The following TBCE variants were observed in gnomAD, a reference collection of about 807,000 sequenced individuals.
TBCE encodes the protein tubulin folding cofactor E.
Under a neutral mutation model 77.0 loss-of-function variants are expected in TBCE, and 53 were observed. The observed-to-expected ratio is 0.69, with a 90% CI of 0.55 to 0.87. The LOEUF (loss-of-function observed/expected upper bound fraction) is 0.87. TBCE is among the 40% of genes least tolerant of loss of function. The pLI is 0.00. For missense variants in TBCE, 624 were observed against 622.4 expected, an observed-to-expected ratio of 1.00 and a Z score of -0.03; for synonymous variants, 235 against 241.3, an observed-to-expected ratio of 0.97 and a Z score of 0.24.
At chr1:235,438,711 A>G (rs956997110) in intron 12 of TBCE, 58 bp from the exon 13 acceptor site, 1 of 1,611,014 alleles carries the variant, frequency 6.2e-7, no homozygotes, top group Non-Finnish European at 8.5e-7. Flanking sequence ...GCAAAACGCA[A>G]AGGACATGTT....
chr1:235,425,501 T>G (rs1180866313), intron 5 of TBCE, among the ~76,000 whole-genome samples: 3 of 152,170 alleles, frequency 2.0e-5, no homozygotes, highest in Non-Finnish European at 4.4e-5. Flanking sequence ...GTTGTTTTGT[T>G]TTTTGACATA....
intron 2 of TBCE, among the ~76,000 whole-genome samples, chr1:235,395,979 T>G (rs1379320437): frequency 6.6e-6 from 1 of 152,186 alleles, no homozygotes; most frequent in Non-Finnish European, 1.5e-5. Flanking sequence ...GTTCCACCCA[T>G]GTTGTTGCAA....
chr1:235,384,052 T>A (rs1677842897), intron 2 of TBCE, among the ~76,000 whole-genome samples: 1 of 151,282 alleles, frequency 6.6e-6, no homozygotes, highest in African/African-American at 2.4e-5. Flanking sequence ...TCAAAGGCCT[T>A]TTCTGCATCT....
At chr1:235,385,412 TG>T (rs1192898001) in intron 2 of TBCE, among the ~76,000 whole-genome samples, 92 of 152,148 alleles carry the variant, frequency 6.0e-4, no homozygotes, top group African/African-American at 2.0e-3. Context: ...ATGTTGACAG[TG>T]GGGTGTTAAA....
chr1:235,439,950 C>T (rs1416252585), intron 13 of TBCE, among the ~76,000 whole-genome samples: 1 of 151,782 alleles, frequency 6.6e-6, no homozygotes, highest in Non-Finnish European at 1.5e-5. Flanking sequence ...TACAGGCGCA[C>T]ACCACCATGC....
chr1:235,369,977 C>G (rs1676809862), intron 1 of TBCE, among the ~76,000 whole-genome samples: 1 of 152,194 alleles, frequency 6.6e-6, no homozygotes, highest in African/African-American at 2.4e-5. Flanking sequence ...ATCCTAGCCT[C>G]AGGATATTTG....
At chr1:235,444,844 T>C (rs146367553) in intron 15 of TBCE, among the ~76,000 whole-genome samples, 1 of 152,282 alleles carries the variant, frequency 6.6e-6, no homozygotes, top group Non-Finnish European at 1.5e-5. Context: ...TAGACCTGTT[T>C]CGTTAAGCTT....
At chr1:235,416,850 G>T (rs911810153) in intron 4 of TBCE, among the ~76,000 whole-genome samples, 1 of 152,188 alleles carries the variant, frequency 6.6e-6, no homozygotes, top group African/African-American at 2.4e-5. Flanking sequence ...AATGCAGCCA[G>T]TGTTGGAGTT....
chr1:235,432,174 G>A lies in TBCE; in HGVS notation c.660+1370G>A, dbSNP rs1681144865. Among the ~76,000 whole-genome samples the A allele has an allele frequency of 3.9e-5, 6 of 152,078 alleles. No homozygotes were observed. In the South Asian group the frequency reaches 1.2e-3, roughly 32 times the overall value. On this transcript the variant is annotated intron_variant, in intron 7 of 16. Coordinates refer to ENST00000642610, the MANE Select transcript of TBCE (RefSeq NM_003193.5). ...TATTTTTGTATTTTTAGTAGGGACA[G>A]GGTTTCACCATGTTGGCCAGGATGG...
chr1:235,430,570 T>C, intron 6 of TBCE, 135 bp from the exon 7 acceptor site: 1 of 650,660 alleles, frequency 1.5e-6, no homozygotes, highest in Non-Finnish European at 2.7e-6. Flanking sequence ...AAGTGATTTT[T>C]AAAATATAAT....
In TBCE at chr1:235,420,079, T is replaced by C. The variant is rs117306198; in HGVS notation, c.460+518T>C. Among the ~76,000 whole-genome samples the C allele has an allele frequency of 1.6e-3, 232 of 147,872 alleles. 3 individuals carry two copies. In the East Asian group the frequency reaches 0.044, roughly 28 times the overall value. ...AGCCTGGAGACAGAACAAGACTTCA[T>C]CTCAAAAAAAAAGAAAGGGGGCACA... is the stretch of plus-strand genomic sequence containing the variant. On this transcript the variant is annotated intron_variant, in intron 5 of 16. Transcript: ENST00000642610.
chr1:235,439,335 C>A (rs1362288453), intron 13 of TBCE, among the ~76,000 whole-genome samples: 14 of 140,920 alleles, frequency 9.9e-5, no homozygotes, highest in Admixed American at 1.4e-4. Flanking sequence ...ACTAAAAATA[C>A]AAAAAAAAAA....
intron 12 of TBCE, among the ~76,000 whole-genome samples, 167 bp from the exon 13 acceptor site, chr1:235,438,602 C>A (rs564948407): frequency 6.6e-6 from 1 of 150,904 alleles, no homozygotes; most frequent in African/African-American, 2.4e-5. Context: ...TTCTAATAAA[C>A]CCCTGAGTTC....
chr1:235,415,399 G>A (rs1473663597), intron 4 of TBCE: 3 of 152,320 alleles, frequency 2.0e-5, no homozygotes, highest in East Asian at 3.9e-4. Context: ...TTGAATCAAA[G>A]AGAGAGAAAG....
At chr1:235,376,480 G>T (rs183182983) in intron 1 of TBCE, among the ~76,000 whole-genome samples, 357 of 152,248 alleles carry the variant, frequency 2.3e-3, no homozygotes, top group Non-Finnish European at 3.1e-3. Flanking sequence ...CTAGTTCATG[G>T]AGCCAAGATT....
intron 2 of TBCE, among the ~76,000 whole-genome samples, chr1:235,393,545 G>GTATT (rs1678536781): frequency 6.6e-6 from 1 of 151,652 alleles, no homozygotes; most frequent in Non-Finnish European, 1.5e-5. Context: ...AAAAAAAATA[G>GTATT]TATTTATTGA....
At chr1:235,374,928 T>C (rs1195035863) in intron 1 of TBCE, among the ~76,000 whole-genome samples, 2 of 131,590 alleles carry the variant, frequency 1.5e-5, no homozygotes, top group Non-Finnish European at 3.3e-5. Context: ...TTCTTTTTTT[T>C]TTTTTTTTTT....
chr1:235,377,615 G>A (rs1013020586), intron 1 of TBCE, among the ~76,000 whole-genome samples: 1 of 151,582 alleles, frequency 6.6e-6, no homozygotes, highest in Non-Finnish European at 1.5e-5. Flanking sequence ...CAGGTCTAAT[G>A]TAACAGACAA....
intron 5 of TBCE, among the ~76,000 whole-genome samples, chr1:235,424,921 G>A (rs1408492451): frequency 2.6e-5 from 4 of 152,182 alleles, no homozygotes; most frequent in African/African-American, 4.8e-5. Context: ...GATTACAGGC[G>A]TGAGCCGCCG....
Sources: gnomAD v4.1 joint callset for allele counts (sites outside exome capture counted in the v4.1 genomes callset) on GRCh38, gnomAD v4.1.1 for gene constraint, MANE v1.5 for transcripts, NCBI Gene and HGNC (gene_info 2026-07-23, HGNC 2026-07-21) for gene names.